The following FHL5 variants were observed in gnomAD, a reference collection of about 807,000 sequenced individuals.
FHL5 encodes four and a half LIM domains 5.
FHL5 carries 33 observed loss-of-function variants against 32.0 expected under a neutral mutation model. That is an observed-to-expected ratio of 1.03 (90% CI 0.78 to 1.38). The LOEUF (loss-of-function observed/expected upper bound fraction) is 1.38, where lower values mean the gene tolerates loss of function less well. Among genes scored for constraint, FHL5 ranks in the 40% most tolerant of loss-of-function variants. FHL5 has a pLI of 0.00. For synonymous variants in FHL5, 114 were observed against 113.6 expected, an observed-to-expected ratio of 1.00 and a Z score of -0.02; for missense variants, 336 against 343.9, an observed-to-expected ratio of 0.98 and a Z score of 0.18.
chr6:96,584,329 A>C (rs149821341), intron 1 of FHL5, among the ~76,000 whole-genome samples: 1 of 152,172 alleles, frequency 6.6e-6, no homozygotes, highest in Non-Finnish European at 1.5e-5. Context: ...AGAGAAGTAC[A>C]TTAGAAATAG....
intron 1 of FHL5, among the ~76,000 whole-genome samples, chr6:96,564,424 T>C (rs978439529): frequency 1.3e-5 from 2 of 152,186 alleles, no homozygotes; most frequent in East Asian, 1.9e-4. Flanking sequence ...ACTTGTTCTA[T>C]TTATTCTCAC....
chr6:96,577,960 T>G (rs914527374), intron 1 of FHL5, among the ~76,000 whole-genome samples: 3 of 148,212 alleles, frequency 2.0e-5, no homozygotes, highest in Non-Finnish European at 4.5e-5. Context: ...AAAAAAAAAG[T>G]CAGTTCGCCT....
intron 1 of FHL5, among the ~76,000 whole-genome samples, chr6:96,588,520 T>A (rs1770847625): frequency 6.6e-6 from 1 of 152,218 alleles, no homozygotes; most frequent in South Asian, 2.1e-4. Flanking sequence ...TTCTTTGTCC[T>A]CACCAACATT....
intron 1 of FHL5, among the ~76,000 whole-genome samples, chr6:96,571,417 G>A (rs920566128): frequency 2.0e-5 from 3 of 152,138 alleles, no homozygotes; most frequent in East Asian, 1.9e-4. Context: ...TTAGCTGAGC[G>A]CATCCCTTTT....
intron 1 of FHL5, among the ~76,000 whole-genome samples, chr6:96,577,873 TTCTGTGAGAAG>T: frequency 2.0e-5 from 3 of 152,164 alleles, no homozygotes; most frequent in Non-Finnish European, 4.4e-5. Context: ...AACAAATGGC[TTCTGTGAGAAG>T]CCTGGAAACC....
intron 1 of FHL5, among the ~76,000 whole-genome samples, chr6:96,564,136 T>G (rs981229526): frequency 6.6e-6 from 1 of 152,118 alleles, no homozygotes; most frequent in Non-Finnish European, 1.5e-5. Flanking sequence ...TTTAGAAAAT[T>G]GGAAACTAAA....
In FHL5 at chr6:96,615,898, T is replaced by C; in HGVS notation, c.*126T>C. On this transcript the variant is annotated 3_prime_UTR_variant, in exon 6 of 6. Coordinates refer to ENST00000450218, the MANE Select transcript of FHL5 (RefSeq NM_001322466.2). Reference sequence around the variant, plus strand: ...CATGTAGTTTAGAGTGGAAAAGTTTTTGCACACATTTTGATCGAACTATAT... The same window carrying C: ...CATGTAGTTTAGAGTGGAAAAGTTTCTGCACACATTTTGATCGAACTATAT... 2 of 731,616 alleles carry C rather than the reference T, an allele frequency of 2.7e-6. No homozygotes were observed. The highest frequency in any genetic ancestry group is 2.4e-5 in the South Asian group (1 of 41,852). 45.3% of individuals were successfully genotyped at this position (731,616 alleles called of 1,614,324 possible). A position where few individuals can be genotyped will look rare whatever the true frequency, so the allele number is the denominator to read the frequency against.
intron 1 of FHL5, among the ~76,000 whole-genome samples, chr6:96,594,110 G>T (rs1010312658): frequency 6.7e-5 from 10 of 150,326 alleles, no homozygotes; most frequent in African/African-American, 2.4e-4. Context: ...GCCCCCACAG[G>T]GACTTTATTA....
In FHL5 at chr6:96,617,188, A is replaced by G. The variant is rs1457688027; in HGVS notation, c.*1416A>G. On this transcript the variant is annotated 3_prime_UTR_variant, in exon 6 of 6. Transcript: ENST00000450218. ...AAATGGAAAGCAACCTCTGCTCTCC[A>G]TGATCTGTTTTCACATTGGTTATAG... Among the ~76,000 whole-genome samples the G allele has an allele frequency of 6.6e-6, 1 of 152,240 alleles. No homozygotes were observed. The highest frequency in any genetic ancestry group is 1.9e-4 in the East Asian group (1 of 5,200).
chr6:96,602,426 C>CTTTCTTTTTTTTTTTTTTTTT lies in FHL5; in HGVS notation c.-12-1173_-12-1172insCTTTTTTTTTTTTTTTTTTTT, dbSNP rs1771169538. ...ACCTGGAAATCTATATGCGTTGTTT[C>CTTTCTTTTTTTTTTTTTTTTT]TTTTTTTTTTTTTTTTTTTTTTTTT... On this transcript the variant is annotated intron_variant, in intron 1 of 5. Coordinates refer to ENST00000450218, the MANE Select transcript of FHL5 (RefSeq NM_001322466.2). 5.9e-5 allele frequency among the ~76,000 whole-genome samples: 2 copies of CTTTCTTTTTTTTTTTTTTTTT among 33,684 alleles called. 1 individual carries two copies. Among genetic ancestry groups the CTTTCTTTTTTTTTTTTTTTTT allele is most frequent in the Non-Finnish European group, 1.3e-4 (2 of 15,326 alleles). 22.1% of individuals were successfully genotyped at this position (33,684 alleles called of 152,430 possible).
At chr6:96,587,514 T>C (rs979236422) in intron 1 of FHL5, among the ~76,000 whole-genome samples, 1 of 152,178 alleles carries the variant, frequency 6.6e-6, no homozygotes, top group Admixed American at 6.5e-5. Context: ...AATAAATTTA[T>C]ATTTTTAATT....
At chr6:96,612,120 C>T (rs995100949) in intron 5 of FHL5, among the ~76,000 whole-genome samples, 149 of 152,164 alleles carry the variant, frequency 9.8e-4, no homozygotes, top group African/African-American at 3.4e-3. Context: ...ACCTCCCTGG[C>T]CCTTGCAAGA....
At chr6:96,612,895 T>C (rs1771441909) in intron 5 of FHL5, among the ~76,000 whole-genome samples, 1 of 152,168 alleles carries the variant, frequency 6.6e-6, no homozygotes, top group Non-Finnish European at 1.5e-5. Context: ...TGATGTACCA[T>C]TGGGAATTCT....
At chr6:96,576,281 C>A (rs1004964118) in intron 1 of FHL5, among the ~76,000 whole-genome samples, 3 of 152,340 alleles carry the variant, frequency 2.0e-5, no homozygotes, top group Admixed American at 1.3e-4. Flanking sequence ...ATTTACTGAG[C>A]CTTCAGCGTA....
chr6:96,606,154 CTA>C, intron 4 of FHL5, 83 bp downstream of exon 4: 1 of 1,166,594 alleles, frequency 8.6e-7, no homozygotes, highest in Non-Finnish European at 1.2e-6. Flanking sequence ...TGAACTGATA[CTA>C]TTATGTTATA....
At chr6:96,577,486 A>G (rs2127961491) in intron 1 of FHL5, among the ~76,000 whole-genome samples, 1 of 152,256 alleles carries the variant, frequency 6.6e-6, no homozygotes, top group South Asian at 2.1e-4. Context: ...ATGTACACAC[A>G]TCACTAACCT....
At chr6:96,609,992 T>G (rs1229681450) in intron 4 of FHL5, among the ~76,000 whole-genome samples, 2 of 152,204 alleles carry the variant, frequency 1.3e-5, no homozygotes, top group East Asian at 3.8e-4. Flanking sequence ...GTAGTTGTTA[T>G]TAGCAAATAA....
intron 1 of FHL5, among the ~76,000 whole-genome samples, chr6:96,576,546 A>G (rs1770588329): frequency 6.6e-6 from 1 of 152,230 alleles, no homozygotes; most frequent in Non-Finnish European, 1.5e-5. Flanking sequence ...ACTGCCAAGC[A>G]CCATGGATGG....
chr6:96,605,801 C>A, intron 3 of FHL5, 101 bp from the exon 4 acceptor site: 2 of 934,922 alleles, frequency 2.1e-6, no homozygotes, highest in South Asian at 2.2e-5. Flanking sequence ...ATTCATTTAT[C>A]ATCTTAACTT....
Sources: allele counts gnomAD v4.1 joint callset (sites outside exome capture counted in the v4.1 genomes callset), GRCh38; gene constraint gnomAD v4.1.1; transcripts MANE v1.5; gene names NCBI Gene and HGNC (gene_info 2026-07-23, HGNC 2026-07-21).